Variants in ELF1 observed in about 807,000 individuals in gnomAD.
ELF1 encodes the protein ETS-related transcription factor Elf-1.
Under a neutral mutation model 59.9 loss-of-function variants are expected in ELF1, and 24 were observed. The observed-to-expected ratio is 0.40, with a 90% CI of 0.29 to 0.56. The LOEUF (loss-of-function observed/expected upper bound fraction) is 0.56, where lower values mean the gene tolerates loss of function less well. Ranked by LOEUF, ELF1 falls within the 20% of genes least tolerant of loss-of-function variation. The pLI is 0.44. For missense variants in ELF1, 627 were observed against 742.2 expected (o/e 0.84, Z 1.80); for synonymous variants, 248 against 266.2 (o/e 0.93, Z 0.67).
chr13:41,043,673 G>A (rs1326488277), intron 1 of ELF1, among the ~76,000 whole-genome samples: 2 of 152,122 alleles, frequency 1.3e-5, no homozygotes, highest in African/African-American at 4.8e-5. Context: ...ATCTGTTTTG[G>A]TAGCAATACC....
intron 1 of ELF1, among the ~76,000 whole-genome samples, chr13:41,042,051 C>T (rs1876633016): frequency 6.6e-6 from 1 of 152,098 alleles, no homozygotes; most frequent in Non-Finnish European, 1.5e-5. Context: ...TTCAGACAGT[C>T]TTGTTCTGTC....
chr13:40,997,194 T>C (rs984162707), intron 1 of ELF1, among the ~76,000 whole-genome samples: 2 of 152,158 alleles, frequency 1.3e-5, no homozygotes, highest in African/African-American at 4.8e-5. Flanking sequence ...CCTGTGTGAG[T>C]GAAAAAAAAC....
At chr13:41,044,621 C>G (rs1268598335) in intron 1 of ELF1, among the ~76,000 whole-genome samples, 1 of 152,146 alleles carries the variant, frequency 6.6e-6, no homozygotes, top group African/African-American at 2.4e-5. Context: ...GTTGAACCAG[C>G]CTTGCATTCC....
chr13:40,972,254 C>T (rs1279723090), intron 2 of ELF1, among the ~76,000 whole-genome samples: 1 of 152,120 alleles, frequency 6.6e-6, no homozygotes, highest in Non-Finnish European at 1.5e-5. Flanking sequence ...ATACTACCTG[C>T]TCATAGGTAT....
intron 1 of ELF1, among the ~76,000 whole-genome samples, chr13:41,055,138 G>A (rs1877237787): frequency 6.6e-6 from 1 of 152,160 alleles, no homozygotes; most frequent in Non-Finnish European, 1.5e-5. Flanking sequence ...GTGAGCGGGA[G>A]GAGGATATGT....
At chr13:40,980,739 T>A (rs1394296846) in intron 2 of ELF1, among the ~76,000 whole-genome samples, 1 of 152,198 alleles carries the variant, frequency 6.6e-6, no homozygotes, top group Admixed American at 6.5e-5. Flanking sequence ...GTAAACACAC[T>A]GTTTCAAACC....
chr13:41,032,274 A>ATG (rs1056224227), intron 1 of ELF1, among the ~76,000 whole-genome samples: 1 of 150,674 alleles, frequency 6.6e-6, no homozygotes, highest in African/African-American at 2.4e-5. Flanking sequence ...CTGGAGTGCA[A>ATG]TGGTGCGATC....
At chr13:40,952,939 C>T (rs1169265880) in intron 3 of ELF1, among the ~76,000 whole-genome samples, 3 of 151,050 alleles carry the variant, frequency 2.0e-5, no homozygotes, top group Non-Finnish European at 4.4e-5. Context: ...ATGTCTAACA[C>T]AATACTACTA....
At chr13:41,004,662 T>A (rs1211865015) in intron 1 of ELF1, among the ~76,000 whole-genome samples, 1 of 152,120 alleles carries the variant, frequency 6.6e-6, no homozygotes, top group Non-Finnish European at 1.5e-5. Flanking sequence ...TACTAATACA[T>A]AAAAGTTAAT....
At position 40,949,957 on chromosome 13, in the gene ELF1, A is replaced by G. The variant is rs1870748323; in HGVS notation, c.378T>C (p.Ser126=). The G allele has an allele frequency of 3.1e-6, 5 of 1,612,496 alleles. No individual in the cohort carries two copies. Among genetic ancestry groups the G allele is most frequent in the Non-Finnish European group, 4.2e-6 (5 of 1,179,230 alleles). The change falls in exon 5 of 9, where the codon AGT becomes AGC. Residue 126 remains serine (S), a synonymous_variant. Transcript: ENST00000239882. The part of the protein sequence containing the change: ...DEKRINNNIF[S]SPEDDMVVAP... ...CAACAACCATGTCATCTTCAGGTGA[A>G]CTAAATATATTATTATCTAATGAAA...
chr13:41,042,298 CTT>C (rs1016168028), intron 1 of ELF1, among the ~76,000 whole-genome samples: 1 of 149,746 alleles, frequency 6.7e-6, no homozygotes, highest in Admixed American at 6.6e-5. Flanking sequence ...ACAGCTTTTT[CTT>C]TTTCTTTTTT....
intron 2 of ELF1, among the ~76,000 whole-genome samples, chr13:40,975,805 G>GT (rs1443530622): frequency 1.3e-5 from 2 of 151,228 alleles, no homozygotes; most frequent in African/African-American, 4.8e-5. Context: ...CTAGCAACAG[G>GT]TAAGTTTTAC....
chr13:40,964,634 A>C (rs1872066014), intron 2 of ELF1, among the ~76,000 whole-genome samples: 1 of 152,084 alleles, frequency 6.6e-6, no homozygotes, highest in East Asian at 1.9e-4. Flanking sequence ...TCCCGGGCTC[A>C]AGCGATCCTC....
At chr13:40,935,639 G>A (rs1006095866) in intron 8 of ELF1, among the ~76,000 whole-genome samples, 1 of 151,582 alleles carries the variant, frequency 6.6e-6, no homozygotes, top group African/African-American at 2.4e-5. Context: ...TGAGATGGGA[G>A]CCTGGGTACA....
chr13:41,009,916 T>G (rs1349656410), intron 1 of ELF1, among the ~76,000 whole-genome samples: 3 of 152,204 alleles, frequency 2.0e-5, no homozygotes, highest in Middle Eastern at 3.4e-3. Flanking sequence ...TCCCTTTATA[T>G]TCTTAAAATG....
chr13:40,938,570 T>C (rs1430069571), intron 8 of ELF1, among the ~76,000 whole-genome samples: 5 of 152,332 alleles, frequency 3.3e-5, no homozygotes, highest in Non-Finnish European at 5.9e-5. Flanking sequence ...CCAAGTTCCC[T>C]GGTCTCTCCT....
In ELF1 at chr13:40,932,936, T is replaced by C. The variant is rs1336456598; in HGVS notation, c.*489A>G. 2 of 160,678 alleles carry C rather than the reference T, an allele frequency of 1.2e-5. No individual in the cohort carries two copies. The highest frequency in any genetic ancestry group is 1.8e-4 in the East Asian group (1 of 5,448). 10.0% of individuals were successfully genotyped at this position (160,678 alleles called of 1,614,324 possible). A position where few individuals can be genotyped will look rare whatever the true frequency, so the allele number is the denominator to read the frequency against. Reference sequence around the variant, plus strand: ...TCTACATATTCATAGTTCTATATTATATAGTGCAGTCAACTAAAGTCAATC... The same window carrying C: ...TCTACATATTCATAGTTCTATATTACATAGTGCAGTCAACTAAAGTCAATC... On this transcript the variant is annotated 3_prime_UTR_variant, in exon 9 of 9. Transcript: ENST00000239882.
In ELF1 at chr13:40,992,968, C is replaced by T; in HGVS notation, c.-228-10686G>A. On this transcript the variant is annotated intron_variant, in intron 1 of 8. Coordinates refer to ENST00000239882, the MANE Select transcript of ELF1 (RefSeq NM_172373.4). Reference sequence around the variant, plus strand: ...TCTTTGATTACTTTTTTGTTCTGTTCTTTCTTTAAGTCTTCACAGGCAATC... The same window carrying T: ...TCTTTGATTACTTTTTTGTTCTGTTTTTTCTTTAAGTCTTCACAGGCAATC... 3.1e-6 allele frequency: 3 copies of T among 961,368 alleles called. No individual in the cohort carries two copies. In the Admixed American group the frequency reaches 5.6e-5, roughly 18 times the overall value. 59.6% of individuals were successfully genotyped at this position (961,368 alleles called of 1,614,324 possible).
chr13:41,028,760 G>A (rs1876048493), intron 1 of ELF1, among the ~76,000 whole-genome samples: 2 of 152,084 alleles, frequency 1.3e-5, no homozygotes, highest in African/African-American at 2.4e-5. Flanking sequence ...TTGAGACAGA[G>A]TCTCACTCTG....
Sources: allele counts gnomAD v4.1 joint callset (sites outside exome capture counted in the v4.1 genomes callset), GRCh38; gene constraint gnomAD v4.1.1; transcripts MANE v1.5; gene names NCBI Gene and HGNC (gene_info 2026-07-23, HGNC 2026-07-21).